DIAPH1: variants seen among roughly 807,000 people sequenced by gnomAD.
DIAPH1 encodes the protein protein diaphanous homolog 1.
In DIAPH1, 46 loss-of-function variants were observed where a neutral mutation model predicts 140.7. That is an observed-to-expected ratio of 0.33 (90% CI 0.26 to 0.42). DIAPH1 has a LOEUF of 0.42. DIAPH1 is among the 10% of genes least tolerant of loss of function. The pLI is 1.00. For missense variants in DIAPH1, 1,310 were observed against 1,558.7 expected (o/e 0.84, Z 2.69); for synonymous variants, 565 against 551.6 (o/e 1.02, Z -0.34).
At chr5:141,613,229 C>T (rs929464898) in intron 1 of DIAPH1, among the ~76,000 whole-genome samples, 6 of 152,152 alleles carry the variant, frequency 3.9e-5, no homozygotes, top group African/African-American at 1.4e-4. Flanking sequence ...TCTGTTCTAT[C>T]CCCCGCCTTG....
chr5:141,541,468 A>G (rs1481453461), intron 18 of DIAPH1, among the ~76,000 whole-genome samples: 1 of 152,106 alleles, frequency 6.6e-6, no homozygotes, highest in East Asian at 1.9e-4. Context: ...CAGGTTGATC[A>G]CTTGAAGTCA....
intron 18 of DIAPH1, among the ~76,000 whole-genome samples, chr5:141,535,264 T>C (rs1223416965): frequency 2.6e-5 from 4 of 152,190 alleles, no homozygotes; most frequent in Non-Finnish European, 5.9e-5. Context: ...AGCTCCATCT[T>C]GAACATGACT....
intron 1 of DIAPH1, among the ~76,000 whole-genome samples, chr5:141,611,093 A>C (rs1214878894): frequency 6.6e-6 from 1 of 151,712 alleles, no homozygotes; most frequent in Non-Finnish European, 1.5e-5. Flanking sequence ...TCTGCCTCAA[A>C]AAAAGAAAAA....
intron 27 of DIAPH1, among the ~76,000 whole-genome samples, chr5:141,520,218 C>T (rs2099886304): frequency 6.6e-6 from 1 of 152,152 alleles, no homozygotes; most frequent in East Asian, 1.9e-4. Context: ...TCAAACTCTG[C>T]TAATTATGTT....
At chr5:141,593,123 T>C (rs773756979) in intron 1 of DIAPH1, among the ~76,000 whole-genome samples, 1 of 152,098 alleles carries the variant, frequency 6.6e-6, no homozygotes, top group Non-Finnish European at 1.5e-5. Flanking sequence ...AACCAACCCA[T>C]TACACTTTAA....
Position 141,618,925 on chromosome 5 carries a change from A to C in DIAPH1, c.-11T>G. 1 of 1,466,930 alleles carries C rather than the reference A, an allele frequency of 6.8e-7. No homozygotes were observed. Among genetic ancestry groups the C allele is most frequent in the Non-Finnish European group, 9.1e-7 (1 of 1,100,482 alleles). 90.9% of individuals were successfully genotyped at this position (1,466,930 alleles called of 1,614,324 possible). On this transcript the variant is annotated 5_prime_UTR_variant, in exon 1 of 28. Transcript: ENST00000389054. Reference sequence around the variant, plus strand: ...GCCGGGCGGCTCCATGTCCCGGTTCACGCTGGCCGGCGACCCCGCGCCTAC... The same window carrying C: ...GCCGGGCGGCTCCATGTCCCGGTTCCCGCTGGCCGGCGACCCCGCGCCTAC...
At position 141,516,887 on chromosome 5, in the gene DIAPH1, A is replaced by G. The variant is rs1596330476; in HGVS notation, c.3783T>C (p.Leu1261=). The G allele has an allele frequency of 1.2e-6, 2 of 1,614,200 alleles. No individual in the cohort carries two copies. The highest frequency in any genetic ancestry group is 8.5e-7 in the Non-Finnish European group (1 of 1,180,032). The part of the protein sequence containing the change: ...SKNSETFPTI[L]EEAKELVGRA... ...GGCCAACCAACTCCTTGGCTTCCTCAAGGATTGTGGGGAATGTCTCACTGT... is the reference window on the plus strand; with the variant it reads ...GGCCAACCAACTCCTTGGCTTCCTCGAGGATTGTGGGGAATGTCTCACTGT... The change falls in exon 28 of 28, where the codon CTT becomes CTC. Residue 1261 remains leucine, a synonymous_variant. Coordinates refer to ENST00000389054, the MANE Select transcript of DIAPH1 (RefSeq NM_005219.5).
At chr5:141,539,581 T>A (rs2099889643) in intron 18 of DIAPH1, among the ~76,000 whole-genome samples, 1 of 152,012 alleles carries the variant, frequency 6.6e-6, no homozygotes, top group South Asian at 2.1e-4. Context: ...CTTTTTTGGG[T>A]AGTTTTTGAC....
chr5:141,615,173 C>T (rs1562355195), intron 1 of DIAPH1, among the ~76,000 whole-genome samples: 1 of 152,142 alleles, frequency 6.6e-6, no homozygotes, highest in East Asian at 1.9e-4. Context: ...AGGTGGCTCA[C>T]GCCTGTAATC....
At chr5:141,618,534 T>G in intron 1 of DIAPH1, 2 of 362,808 alleles carry the variant, frequency 5.5e-6, no homozygotes, top group South Asian at 3.7e-5. Context: ...CGGCCGGGGA[T>G]ATGCGGGCGG....
At chr5:141,615,675 G>T (rs1296445323) in intron 1 of DIAPH1, among the ~76,000 whole-genome samples, 2 of 152,026 alleles carry the variant, frequency 1.3e-5, no homozygotes, top group Non-Finnish European at 2.9e-5. Flanking sequence ...CCCGGGAGGC[G>T]GAGCTTGCAG....
At chr5:141,562,370 A>T (rs1361340348) in intron 18 of DIAPH1, among the ~76,000 whole-genome samples, 1 of 152,198 alleles carries the variant, frequency 6.6e-6, no homozygotes, top group Non-Finnish European at 1.5e-5. Context: ...AGGATATAGA[A>T]GCAAGGTATA....
intron 1 of DIAPH1, among the ~76,000 whole-genome samples, chr5:141,602,281 A>C (rs999372336): frequency 2.6e-5 from 4 of 152,190 alleles, no homozygotes; most frequent in African/African-American, 9.7e-5. Context: ...CAGTGGCGCA[A>C]TCTTGGCTCA....
chr5:141,612,585 ACTAAT>A (rs1231628421), intron 1 of DIAPH1, among the ~76,000 whole-genome samples: 1 of 152,314 alleles, frequency 6.6e-6, no homozygotes, highest in Non-Finnish European at 1.5e-5. Context: ...GAAAACACAA[ACTAAT>A]CTATAGTTAC....
chr5:141,517,799 T>C (rs760110229), intron 27 of DIAPH1, among the ~76,000 whole-genome samples: 2 of 152,174 alleles, frequency 1.3e-5, no homozygotes, highest in Non-Finnish European at 2.9e-5. Flanking sequence ...GTTCCGGCTG[T>C]CATACCAGAT....
intron 18 of DIAPH1, among the ~76,000 whole-genome samples, chr5:141,548,558 C>T (rs1413294450): frequency 1.3e-5 from 2 of 152,070 alleles, no homozygotes; most frequent in Admixed American, 6.6e-5. Context: ...TGCATGACAC[C>T]AGTAACTCAA....
At chr5:141,586,333 T>C (rs2099897541) in intron 3 of DIAPH1, among the ~76,000 whole-genome samples, 1 of 152,240 alleles carries the variant, frequency 6.6e-6, no homozygotes, top group Admixed American at 6.5e-5. Flanking sequence ...GGCCCTGTGC[T>C]AAGGATTTTA....
intron 1 of DIAPH1, among the ~76,000 whole-genome samples, chr5:141,616,382 A>G (rs1230327724): frequency 6.6e-6 from 1 of 152,232 alleles, no homozygotes; most frequent in Non-Finnish European, 1.5e-5. Context: ...AAACCAGTGC[A>G]GTTTTATACA....
intron 1 of DIAPH1, among the ~76,000 whole-genome samples, chr5:141,606,709 AATAAC>A (rs2099901030): frequency 1.3e-5 from 2 of 152,236 alleles, no homozygotes; most frequent in Admixed American, 1.3e-4. Context: ...CACTATGTAA[AATAAC>A]ATAAGAGTTT....
Sources: allele counts gnomAD v4.1 joint callset (sites outside exome capture counted in the v4.1 genomes callset), GRCh38; gene constraint gnomAD v4.1.1; transcripts MANE v1.5; gene names NCBI Gene and HGNC (gene_info 2026-07-23, HGNC 2026-07-21).